The following IL1RAPL2 variants were observed in gnomAD, a reference collection of about 807,000 sequenced individuals.
IL1RAPL2 encodes X-linked interleukin-1 receptor accessory protein-like 2.
Under a neutral mutation model 44.1 loss-of-function variants are expected in IL1RAPL2, and 3 were observed. The observed-to-expected ratio is 0.07, with a 90% CI of 0.03 to 0.18. The LOEUF is 0.18. Among genes scored for constraint, IL1RAPL2 ranks in the 10% least tolerant of loss-of-function variants. The pLI, the probability that IL1RAPL2 is intolerant of heterozygous loss-of-function variation, is 1.00. For missense variants in IL1RAPL2, 391 were observed against 496.4 expected (o/e 0.79, Z 2.02); for synonymous variants, 181 against 178.8 (o/e 1.01, Z -0.10).
chrX:105,737,860 T>A (rs1217178495), intron 7 of IL1RAPL2, among the ~76,000 whole-genome samples: 2 of 111,857 alleles, frequency 1.8e-5, no homozygotes, highest in African/African-American at 6.5e-5. Flanking sequence ...CTTGGTTAGG[T>A]ACATGTTGGG....
At chrX:105,601,481 G>A (rs1236201325) in intron 6 of IL1RAPL2, among the ~76,000 whole-genome samples, 1 of 110,964 alleles carries the variant, frequency 9.0e-6, no homozygotes, top group Non-Finnish European at 1.9e-5. Context: ...GCCAGGATTC[G>A]CTTGGAGCCA....
chrX:104,923,894 C>T (rs1308801446), intron 2 of IL1RAPL2, among the ~76,000 whole-genome samples: 2 of 109,781 alleles, frequency 1.8e-5, no homozygotes, highest in Non-Finnish European at 3.8e-5. Flanking sequence ...GATCCAACCA[C>T]CTGCTACCTA....
chrX:105,496,774 T>G (rs2036359282), intron 6 of IL1RAPL2, among the ~76,000 whole-genome samples: 1 of 111,996 alleles, frequency 8.9e-6, no homozygotes, highest in African/African-American at 3.2e-5. Flanking sequence ...ACTCTACTAT[T>G]ATGTATGTAC....
chrX:105,377,115 T>C (rs1225696115), intron 5 of IL1RAPL2, among the ~76,000 whole-genome samples: 1 of 111,778 alleles, frequency 8.9e-6, no homozygotes, highest in Admixed American at 9.5e-5. Context: ...TTACACAAGC[T>C]TAGAGGATGT....
chrX:105,496,872 A>C (rs888578816), intron 6 of IL1RAPL2, among the ~76,000 whole-genome samples: 2 of 111,800 alleles, frequency 1.8e-5, no homozygotes, highest in African/African-American at 6.5e-5. Context: ...TTCCTTTCTC[A>C]GTCAAGTGGT....
In IL1RAPL2 at chrX:105,717,536, C is replaced by A. The variant is rs181376291; in HGVS notation, c.902+40C>A. ...TTGCTTATCTTTCTTTGCTGTCTTACGGGATTCTGCTCAGGATTTTAATTG... is the reference window on the plus strand; with the variant it reads ...TTGCTTATCTTTCTTTGCTGTCTTAAGGGATTCTGCTCAGGATTTTAATTG... On this transcript the variant is annotated intron_variant, in intron 7 of 10. Transcript: ENST00000372582. The A allele has an allele frequency of 2.6e-5, 29 of 1,137,201 alleles. No individual in the cohort carries two copies. The South Asian group carries it at 5.9e-4, about 23-fold the overall frequency. The allele number at this position is 1,137,201 out of a possible 1,213,427, so 93.7% of individuals were successfully genotyped here. A position where few individuals can be genotyped will look rare whatever the true frequency, so the allele number is the denominator to read the frequency against.
chrX:104,570,401 T>TGG (rs1928123518), intron 1 of IL1RAPL2, among the ~76,000 whole-genome samples: 1 of 112,094 alleles, frequency 8.9e-6, no homozygotes, highest in Non-Finnish European at 1.9e-5. Flanking sequence ...AATGTGTCTG[T>TGG]CCAGGCTGGG....
chrX:104,971,572 T>C (rs909298669), intron 2 of IL1RAPL2, among the ~76,000 whole-genome samples: 2 of 111,010 alleles, frequency 1.8e-5, no homozygotes, highest in Non-Finnish European at 3.8e-5. Context: ...AGACTCCACC[T>C]CATTCAGCTT....
intron 5 of IL1RAPL2, among the ~76,000 whole-genome samples, chrX:105,269,094 T>C (rs1206863395): frequency 9.0e-6 from 1 of 111,636 alleles, no homozygotes; most frequent in Non-Finnish European, 1.9e-5. Flanking sequence ...ATTAATGTAC[T>C]TGGGCATTAC....
chrX:104,924,782 C>A (rs1330201384), intron 2 of IL1RAPL2, among the ~76,000 whole-genome samples: 3 of 110,915 alleles, frequency 2.7e-5, no homozygotes. Context: ...TGTCACACTT[C>A]AAGGAACTAG....
At position 105,098,691 on chromosome X, in the gene IL1RAPL2, T is replaced by C. The variant is rs1252482091; in HGVS notation, c.83-96784T>C. ...ATCAATACGCAATCTGTGTGATAAT[T>C]AATTAAGGTGCCAGAATGAATGACT... On this transcript the variant is annotated intron_variant, in intron 2 of 10. Coordinates refer to ENST00000372582, the MANE Select transcript of IL1RAPL2 (RefSeq NM_017416.2). 2.7e-5 allele frequency among the ~76,000 whole-genome samples: 3 copies of C among 111,947 alleles called. No homozygotes were observed. The East Asian group carries it at 8.5e-4, about 32-fold the overall frequency.
intron 2 of IL1RAPL2, among the ~76,000 whole-genome samples, chrX:104,930,241 T>C (rs996709887): frequency 8.0e-5 from 9 of 112,004 alleles, no homozygotes; most frequent in East Asian, 2.8e-4. Flanking sequence ...AAAACCTACA[T>C]TGAAGAAAAA....
intron 5 of IL1RAPL2, among the ~76,000 whole-genome samples, chrX:105,389,504 A>G (rs1349174149): frequency 8.9e-6 from 1 of 111,992 alleles, no homozygotes; most frequent in Non-Finnish European, 1.9e-5. Flanking sequence ...TGTTTTAGAA[A>G]CATTTCCTCA....
At chrX:104,732,208 A>G (rs889208424) in intron 2 of IL1RAPL2, among the ~76,000 whole-genome samples, 34 of 111,676 alleles carry the variant, frequency 3.0e-4, no homozygotes, top group Non-Finnish European at 5.6e-4. Flanking sequence ...AACTAACAGA[A>G]GCTGTGTCCA....
intron 5 of IL1RAPL2, among the ~76,000 whole-genome samples, chrX:105,456,939 G>T (rs2036059151): frequency 9.2e-6 from 1 of 108,931 alleles, no homozygotes; most frequent in Non-Finnish European, 1.9e-5. Flanking sequence ...TGTATTCTAA[G>T]GTTGGTGGAG....
intron 2 of IL1RAPL2, among the ~76,000 whole-genome samples, chrX:105,046,912 C>T (rs2147762627): frequency 9.4e-6 from 1 of 105,901 alleles, no homozygotes; most frequent in Admixed American, 1.0e-4. Flanking sequence ...CCTTGTTCTG[C>T]CGCCTTCCTC....
intron 1 of IL1RAPL2, among the ~76,000 whole-genome samples, chrX:104,585,150 C>CATAT (rs369607507): frequency 8.2e-5 from 6 of 73,178 alleles, no homozygotes; most frequent in East Asian, 8.4e-4. Context: ...TACACACACA[C>CATAT]ATATATATAC....
At chrX:105,376,348 A>C (rs941372503) in intron 5 of IL1RAPL2, among the ~76,000 whole-genome samples, 2 of 112,314 alleles carry the variant, frequency 1.8e-5, no homozygotes, top group Non-Finnish European at 3.8e-5. Context: ...CCTTCTGGCA[A>C]GTATTCTTCC....
intron 6 of IL1RAPL2, among the ~76,000 whole-genome samples, chrX:105,648,976 A>T (rs1433711292): frequency 1.8e-5 from 2 of 111,493 alleles, no homozygotes; most frequent in Admixed American, 9.5e-5. Context: ...TCTGTAGGCT[A>T]TTTAAAGCTG....
Sources: gnomAD v4.1 joint callset for allele counts (sites outside exome capture counted in the v4.1 genomes callset) on GRCh38, gnomAD v4.1.1 for gene constraint, MANE v1.5 for transcripts, NCBI Gene and HGNC (gene_info 2026-07-23, HGNC 2026-07-21) for gene names.